The following CDH23 variants were observed in gnomAD, a reference collection of about 807,000 sequenced individuals.
CDH23 encodes the protein cadherin related 23, also known as cadherin-23.
CDH23 carries 189 observed loss-of-function variants against 317.1 expected under a neutral mutation model. The observed-to-expected ratio is 0.60, with a 90% CI of 0.53 to 0.67. CDH23 has a LOEUF of 0.67. Ranked by LOEUF, CDH23 falls within the 30% of genes least tolerant of loss-of-function variation. CDH23 has a pLI of 0.00. For synonymous variants in CDH23, 1,839 were observed against 1,876.8 expected, an observed-to-expected ratio of 0.98 and a Z score of 0.52; for missense variants, 4,401 against 4,592.4, an observed-to-expected ratio of 0.96 and a Z score of 1.20.
At chr10:71,729,676 A>G (rs1004278445) in intron 30 of CDH23, among the ~76,000 whole-genome samples, 5 of 152,320 alleles carry the variant, frequency 3.3e-5, no homozygotes, top group Admixed American at 1.3e-4. Flanking sequence ...GACATTCTCT[A>G]CTACAACTGC....
intron 14 of CDH23, among the ~76,000 whole-genome samples, chr10:71,668,738 A>G (rs1864016831): frequency 6.6e-6 from 1 of 152,200 alleles, no homozygotes; most frequent in Non-Finnish European, 1.5e-5. Context: ...CAGCCAGGAG[A>G]AAGACTGGCA....
chr10:71,508,811 G>T (rs536979002), intron 3 of CDH23, among the ~76,000 whole-genome samples: 2 of 152,182 alleles, frequency 1.3e-5, no homozygotes, highest in African/African-American at 4.8e-5. Flanking sequence ...GGAAAATGAC[G>T]CGCTGTACAC....
intron 6 of CDH23, among the ~76,000 whole-genome samples, chr10:71,533,569 A>ACACACC (rs1491567904): frequency 9.1e-6 from 1 of 109,564 alleles, no homozygotes; most frequent in Non-Finnish European, 2.1e-5. Flanking sequence ...ACACACACAC[A>ACACACC]CTGGCTGGGG....
intron 11 of CDH23, among the ~76,000 whole-genome samples, chr10:71,639,197 G>T (rs1049286278): frequency 6.6e-6 from 1 of 152,224 alleles, no homozygotes; most frequent in African/African-American, 2.4e-5. Context: ...AGCTGGAGGA[G>T]AATTTAATCC....
At chr10:71,686,668 G>A (rs1303726257) in intron 18 of CDH23, among the ~76,000 whole-genome samples, 1 of 152,106 alleles carries the variant, frequency 6.6e-6, no homozygotes, top group Admixed American at 6.5e-5. Flanking sequence ...AAACGAACAG[G>A]AACTGCCAAA....
chr10:71,769,961 C>A (rs1402966910), intron 38 of CDH23, among the ~76,000 whole-genome samples: 1 of 152,190 alleles, frequency 6.6e-6, no homozygotes, highest in Non-Finnish European at 1.5e-5. Flanking sequence ...CATCTCCTGA[C>A]AACTTTAAGA....
chr10:71,600,978 A>T (rs1384820867), intron 9 of CDH23, among the ~76,000 whole-genome samples: 1 of 152,106 alleles, frequency 6.6e-6, no homozygotes, highest in African/African-American at 2.4e-5. Context: ...ACTCACTCGA[A>T]CCCAAGATGT....
At chr10:71,535,372 C>T (rs760170119) in intron 6 of CDH23, among the ~76,000 whole-genome samples, 20 of 152,198 alleles carry the variant, frequency 1.3e-4, no homozygotes, top group African/African-American at 3.4e-4. Context: ...TTTCCCAGCC[C>T]GTTCCGGTGG....
chr10:71,812,964 G>A (rs1841993171), intron 68 of CDH23, 74 bp downstream of exon 68: 2 of 1,583,486 alleles, frequency 1.3e-6, no homozygotes, highest in South Asian at 1.1e-5. Flanking sequence ...ACACAGGGTG[G>A]TAGAGACCTC....
At chr10:71,578,162 G>C (rs1564664938) in intron 9 of CDH23, among the ~76,000 whole-genome samples, 170 bp downstream of exon 9, 2 of 152,222 alleles carry the variant, frequency 1.3e-5, no homozygotes, top group African/African-American at 4.8e-5. Context: ...GAAGGTGACT[G>C]AGTGAAGGCA....
At chr10:71,540,212 G>C (rs1429697317) in intron 6 of CDH23, among the ~76,000 whole-genome samples, 1 of 152,144 alleles carries the variant, frequency 6.6e-6, no homozygotes, top group Non-Finnish European at 1.5e-5. Context: ...GCAGACCAGA[G>C]TGCACAATCC....
Position 71,567,068 on chromosome 10 carries a change from C to T in CDH23, c.624+132C>T, listed in dbSNP as rs987071397. 5.7e-6 allele frequency: 5 copies of T among 878,204 alleles called. No individual in the cohort carries two copies. The African/African-American group carries it at 6.6e-5, about 12-fold the overall frequency. 54.4% of individuals were successfully genotyped at this position (878,204 alleles called of 1,614,324 possible). ...TGATCTATAATAATTATAGTGGTGA[C>T]AGTCATGATAGAAATGAGGCTGGCA... is the stretch of plus-strand genomic sequence containing the variant. On this transcript the variant is annotated intron_variant, in intron 7 of 69. Transcript: ENST00000224721.
intron 9 of CDH23, among the ~76,000 whole-genome samples, chr10:71,595,630 C>T (rs1859789564): frequency 6.6e-6 from 1 of 152,188 alleles, no homozygotes; most frequent in African/African-American, 2.4e-5. Flanking sequence ...ACACACGGCC[C>T]TCACAACCCA....
intron 1 of CDH23, among the ~76,000 whole-genome samples, chr10:71,418,893 G>T (rs959025108): frequency 6.6e-6 from 1 of 152,080 alleles, no homozygotes; most frequent in Non-Finnish European, 1.5e-5. Context: ...CTGTGAAATG[G>T]GTATAGTAAT....
At chr10:71,605,251 T>TA (rs1329211962) in intron 9 of CDH23, among the ~76,000 whole-genome samples, 54 of 151,012 alleles carry the variant, frequency 3.6e-4, no homozygotes, top group Middle Eastern at 3.4e-3. Context: ...CCTTTTTTTT[T>TA]TAAAAAAAAA....
chr10:71,796,202 G>T (rs1841398727), intron 48 of CDH23: 1 of 655,020 alleles, frequency 1.5e-6, no homozygotes, highest in African/African-American at 2.0e-5. Context: ...CTCACTCTGG[G>T]ATGAAGCCAA....
intron 9 of CDH23, among the ~76,000 whole-genome samples, chr10:71,581,049 A>C (rs1398592051): frequency 6.6e-6 from 1 of 152,214 alleles, no homozygotes; most frequent in African/African-American, 2.4e-5. Flanking sequence ...TTGTCTGCCA[A>C]GGGTCTGTCT....
chr10:71,578,002 A>G lies in CDH23; in HGVS notation c.832+10A>G, dbSNP rs762571573. 29 of 1,587,510 alleles carry G rather than the reference A, an allele frequency of 1.8e-5. No individual in the cohort carries two copies. Among genetic ancestry groups the G allele is most frequent in the Non-Finnish European group, 2.3e-5 (27 of 1,167,058 alleles). The stretch of plus-strand genomic sequence containing the variant: ...TACACCATCGTTTCAGGTAAGACAG[A>G]AGGCTGCCCCTCTCTCCTCTCACCC... On this transcript the variant is annotated intron_variant, in intron 9 of 69. Coordinates refer to ENST00000224721, the MANE Select transcript of CDH23 (RefSeq NM_022124.6).
In CDH23 at chr10:71,784,992, C is replaced by A; in HGVS notation, c.5604C>A (p.Ser1868Arg). 6.2e-7 allele frequency: 1 copy of A among 1,614,076 alleles called. No homozygotes were observed. Among genetic ancestry groups the A allele is most frequent in the Non-Finnish European group, 8.5e-7 (1 of 1,179,880 alleles). ...ITISENSPVS[S>R]FVAHVLASDA... ...TCAGCGAGAACAGCCCTGTCTCCAG[C>A]TTTGTCGCCCATGTCCTGGCCAGTG... The change falls in exon 43 of 70, where the codon AGC becomes AGA. Residue 1868 changes from serine to arginine, a missense_variant. Physicochemically the swap from Ser to Arg is moderately radical, Grantham distance 110 (BLOSUM62 -1). This residue lies in a region of CDH23 where 3,068 missense variants were observed against 3,203.3 expected (regional missense o/e 0.96). Transcript: ENST00000224721.
Sources: allele counts gnomAD v4.1 joint callset (sites outside exome capture counted in the v4.1 genomes callset), GRCh38; gene constraint gnomAD v4.1.1; regional missense constraint gnomAD v4.1.1; transcripts MANE v1.5; gene names NCBI Gene and HGNC (gene_info 2026-07-23, HGNC 2026-07-21).